The following PTPRT variants were observed in gnomAD, a reference collection of about 807,000 sequenced individuals.
PTPRT encodes the protein protein tyrosine phosphatase receptor type T.
In PTPRT, 56 loss-of-function variants were observed where a neutral mutation model predicts 176.8. The ratio of observed to expected loss-of-function variants is 0.32; its 90% CI spans 0.26 to 0.40. PTPRT has a LOEUF of 0.40. Ranked by LOEUF, PTPRT falls within the 10% of genes least tolerant of loss-of-function variation. The pLI is 1.00. For missense variants in PTPRT, 1,540 were observed against 1,908.2 expected, an observed-to-expected ratio of 0.81 and a Z score of 3.60; for synonymous variants, 783 against 739.0, an observed-to-expected ratio of 1.06 and a Z score of -0.96.
intron 5 of PTPRT, among the ~76,000 whole-genome samples, chr20:42,761,215 A>C (rs1170761963): frequency 6.6e-6 from 1 of 152,080 alleles, no homozygotes; most frequent in Non-Finnish European, 1.5e-5. Flanking sequence ...CAGGTGGACC[A>C]CCTGAGGTAG....
chr20:42,177,470 C>A (rs1339134407), intron 16 of PTPRT, among the ~76,000 whole-genome samples: 1 of 152,154 alleles, frequency 6.6e-6, no homozygotes, highest in African/African-American at 2.4e-5. Flanking sequence ...AGAACAGATA[C>A]CTAACACTCT....
chr20:42,691,248 A>C (rs2146119449), intron 6 of PTPRT, among the ~76,000 whole-genome samples: 1 of 152,356 alleles, frequency 6.6e-6, no homozygotes, highest in South Asian at 2.1e-4. Flanking sequence ...CAAAGTAGAG[A>C]GAAAGGGGGT....
At chr20:42,202,224 C>T (rs1423015964) in intron 15 of PTPRT, among the ~76,000 whole-genome samples, 1 of 152,142 alleles carries the variant, frequency 6.6e-6, no homozygotes, top group Non-Finnish European at 1.5e-5. Flanking sequence ...CCTGCATTGG[C>T]CTCCCAAAGT....
intron 1 of PTPRT, among the ~76,000 whole-genome samples, chr20:43,127,398 G>T (rs927899677): frequency 6.6e-6 from 1 of 150,808 alleles, no homozygotes; most frequent in Non-Finnish European, 1.5e-5. Context: ...ACTCCTGCCT[G>T]GGCAACAGAG....
At chr20:42,794,567 C>G (rs1453172455) in intron 2 of PTPRT, among the ~76,000 whole-genome samples, 2 of 152,140 alleles carry the variant, frequency 1.3e-5, no homozygotes, top group African/African-American at 2.4e-5. Context: ...GGGCAGTGCA[C>G]CATAAAAGAA....
chr20:42,551,795 T>G (rs2072775642), intron 7 of PTPRT, among the ~76,000 whole-genome samples: 1 of 152,172 alleles, frequency 6.6e-6, no homozygotes, highest in Non-Finnish European at 1.5e-5. Flanking sequence ...CAGATAAACA[T>G]TGGTATGACT....
At chr20:42,932,859 G>C (rs1979950867) in intron 1 of PTPRT, among the ~76,000 whole-genome samples, 1 of 152,216 alleles carries the variant, frequency 6.6e-6, no homozygotes, top group South Asian at 2.1e-4. Flanking sequence ...TTAATACAAA[G>C]AGAAAAATGC....
At chr20:42,736,145 T>C (rs922315244) in intron 6 of PTPRT, among the ~76,000 whole-genome samples, 7 of 152,094 alleles carry the variant, frequency 4.6e-5, no homozygotes, top group African/African-American at 1.7e-4. Flanking sequence ...GTTCCTGCTG[T>C]TGATTTGGGG....
intron 2 of PTPRT, among the ~76,000 whole-genome samples, chr20:42,831,678 T>A (rs1222168003): frequency 6.6e-6 from 1 of 152,054 alleles, no homozygotes; most frequent in Non-Finnish European, 1.5e-5. Context: ...TAAACACATT[T>A]ATGAGAGAAA....
At chr20:42,338,334 A>G (rs1467719137) in intron 11 of PTPRT, among the ~76,000 whole-genome samples, 1 of 152,200 alleles carries the variant, frequency 6.6e-6, no homozygotes, top group African/African-American at 2.4e-5. Flanking sequence ...AGATGGTGCC[A>G]GTTGCAGAGG....
At position 42,910,957 on chromosome 20, in the gene PTPRT, T is replaced by C. The variant is rs149275305; in HGVS notation, c.89-25025A>G. ...TTCACAAGGCAGCAGGAAGGAGAAG[T>C]GCCGAGCAATGAGGGGAAGAGCCCC... On this transcript the variant is annotated intron_variant, in intron 1 of 30. Coordinates refer to ENST00000373187, the MANE Select transcript of PTPRT (RefSeq NM_007050.6). 2.5e-3 allele frequency among the ~76,000 whole-genome samples: 383 copies of C among 152,190 alleles called. 1 individual carries two copies. Among genetic ancestry groups the C allele is most frequent in the African/African-American group, 8.7e-3 (363 of 41,516 alleles).
intron 4 of PTPRT, 119 bp downstream of exon 4, chr20:42,780,099 C>T: frequency 1.2e-6 from 1 of 869,308 alleles, no homozygotes; most frequent in Non-Finnish European, 1.9e-6. Flanking sequence ...CTGAAGGATT[C>T]AAAGAGAAAG....
intron 7 of PTPRT, among the ~76,000 whole-genome samples, chr20:42,580,911 G>A (rs546440726): frequency 6.6e-6 from 1 of 152,080 alleles, no homozygotes; most frequent in Non-Finnish European, 1.5e-5. Flanking sequence ...TCTCCTGCCT[G>A]ATTGCCCTGG....
chr20:43,034,865 G>C (rs567915404), intron 1 of PTPRT, among the ~76,000 whole-genome samples: 1 of 151,904 alleles, frequency 6.6e-6, no homozygotes, highest in Non-Finnish European at 1.5e-5. Flanking sequence ...TGGAGAGGGG[G>C]GTCCCTGTCT....
chr20:42,472,940 G>A (rs2071224838), intron 7 of PTPRT, among the ~76,000 whole-genome samples: 1 of 152,148 alleles, frequency 6.6e-6, no homozygotes, highest in African/African-American at 2.4e-5. Flanking sequence ...TTAGACGGCT[G>A]CTGAGAGCTG....
chr20:42,535,988 C>T (rs2145561060), intron 7 of PTPRT, among the ~76,000 whole-genome samples: 1 of 152,194 alleles, frequency 6.6e-6, no homozygotes, highest in South Asian at 2.1e-4. Context: ...TAATAGGAAG[C>T]TTATGAGGAC....
intron 9 of PTPRT, among the ~76,000 whole-genome samples, chr20:42,367,996 C>A (rs1322557480): frequency 6.6e-6 from 1 of 152,172 alleles, no homozygotes; most frequent in Non-Finnish European, 1.5e-5. Context: ...GACCCCTGAT[C>A]TCCTGAGGCT....
intron 19 of PTPRT, among the ~76,000 whole-genome samples, chr20:42,123,358 C>G (rs935947455): frequency 6.6e-6 from 1 of 152,208 alleles, no homozygotes; most frequent in Non-Finnish European, 1.5e-5. Context: ...TAAGCACCTA[C>G]TACTATGTAC....
intron 1 of PTPRT, among the ~76,000 whole-genome samples, chr20:43,101,790 G>C (rs1027682636): frequency 6.6e-6 from 1 of 152,186 alleles, no homozygotes; most frequent in Non-Finnish European, 1.5e-5. Context: ...CACAGTCATG[G>C]GAGTAGGGGC....
Sources: allele counts gnomAD v4.1 joint callset (sites outside exome capture counted in the v4.1 genomes callset), GRCh38; gene constraint gnomAD v4.1.1; transcripts MANE v1.5; gene names NCBI Gene and HGNC (gene_info 2026-07-23, HGNC 2026-07-21).